The following FRMD6 variants were observed in gnomAD, a reference collection of about 807,000 sequenced individuals.
FRMD6 encodes the protein FERM domain-containing protein 6.
Under a neutral mutation model 73.2 loss-of-function variants are expected in FRMD6, and 37 were observed. The observed-to-expected ratio is 0.51, with a 90% CI of 0.39 to 0.66. The LOEUF (loss-of-function observed/expected upper bound fraction) is 0.66. FRMD6 is among the 30% of genes least tolerant of loss of function. The pLI, the probability that FRMD6 is intolerant of heterozygous loss-of-function variation, is 0.00. For synonymous variants in FRMD6, 273 were observed against 282.2 expected, an observed-to-expected ratio of 0.97 and a Z score of 0.33; for missense variants, 714 against 780.5, an observed-to-expected ratio of 0.91 and a Z score of 1.02.
chr14:51,595,889 A>G (rs1006797077), intron 2 of FRMD6, among the ~76,000 whole-genome samples: 4 of 152,238 alleles, frequency 2.6e-5, no homozygotes, highest in Non-Finnish European at 5.9e-5. Flanking sequence ...TGTAAACAGA[A>G]TATAAGTTTC....
At position 51,720,339 on chromosome 14, in the gene FRMD6, G is replaced by C. The variant is rs772417698; in HGVS notation, c.1309G>C (p.Gly437Arg). ...MTSHGSSHTS[G>R]VESGGKDRLE... is the part of the protein sequence containing the mutation. Reference sequence around the variant, plus strand: ...CAGTCATGGCAGCTCCCACACCTCAGGGGTGGAGAGTGGCGGCAAAGACCG... The same window carrying C: ...CAGTCATGGCAGCTCCCACACCTCACGGGTGGAGAGTGGCGGCAAAGACCG... The change falls in exon 11 of 14, where the codon GGG becomes CGG. Residue 437 changes from glycine to arginine, a missense_variant. Gly to Arg is a moderately radical substitution (Grantham distance 125, BLOSUM62 -2). Coordinates refer to ENST00000344768, the MANE Select transcript of FRMD6 (RefSeq NM_001267046.2). 73 of 1,613,740 alleles carry C rather than the reference G, an allele frequency of 4.5e-5. No individual in the cohort carries two copies. Among genetic ancestry groups the C allele is most frequent in the Non-Finnish European group, 5.8e-5 (68 of 1,180,038 alleles).
intron 1 of FRMD6, among the ~76,000 whole-genome samples, chr14:51,670,967 A>T (rs1893967112): frequency 6.6e-6 from 1 of 152,210 alleles, no homozygotes; most frequent in South Asian, 2.1e-4. Context: ...TTTATCATGA[A>T]CATATGTTAA....
chr14:51,559,561 C>T (rs1274352871), intron 1 of FRMD6, among the ~76,000 whole-genome samples: 1 of 151,924 alleles, frequency 6.6e-6, no homozygotes, highest in Non-Finnish European at 1.5e-5. Context: ...TAGAATGACT[C>T]CTCTGACATT....
chr14:51,704,963 G>A, intron 6 of FRMD6, 28 bp downstream of exon 6: 2 of 1,579,276 alleles, frequency 1.3e-6, no homozygotes, highest in Non-Finnish European at 1.7e-6. Flanking sequence ...ATTCGAAAGA[G>A]TGTTTTCTCT....
intron 1 of FRMD6, among the ~76,000 whole-genome samples, chr14:51,553,543 T>G (rs1383023433): frequency 6.6e-6 from 1 of 152,206 alleles, no homozygotes; most frequent in African/African-American, 2.4e-5. Context: ...TGAGCTGAGT[T>G]TCTGGTTATT....
intron 2 of FRMD6, chr14:51,599,785 A>AC (rs1193601574): frequency 1.3e-5 from 2 of 150,466 alleles, no homozygotes; most frequent in African/African-American, 4.9e-5. Context: ...AATGAATACC[A>AC]CCCCCCAGGT....
At chr14:51,421,066 G>A in the FRMD6 span, among the ~76,000 whole-genome samples, 3 of 152,262 alleles carry the variant, frequency 2.0e-5, no homozygotes, top group Admixed American at 1.3e-4. Flanking sequence ...GTGAGCCACT[G>A]TGCCGGCTGT....
intron 1 of FRMD6, among the ~76,000 whole-genome samples, chr14:51,530,623 G>A (rs1164724938): frequency 1.3e-5 from 2 of 149,098 alleles, no homozygotes; most frequent in Non-Finnish European, 3.0e-5. Context: ...TGGGACCACA[G>A]GCATGCACCA....
rs1401412529 is a variant in FRMD6 at position 51,730,187 on chromosome 14, C to T, written c.*2158C>T. 6.6e-6 allele frequency: 1 copy of T among 152,154 alleles called. No individual in the cohort carries two copies. The highest frequency in any genetic ancestry group is 2.4e-5 in the African/African-American group (1 of 41,430). 9.4% of individuals were successfully genotyped at this position (152,154 alleles called of 1,614,324 possible). ...CATATTTAATTACTGTAAACAGGTA[C>T]TGCTTTATGTTTATTTTCTCTCTAC... is the stretch of plus-strand genomic sequence containing the variant. On this transcript the variant is annotated 3_prime_UTR_variant, in exon 14 of 14. Transcript: ENST00000344768.
the FRMD6 span, among the ~76,000 whole-genome samples, chr14:51,418,989 C>A: frequency 6.6e-6 from 1 of 152,214 alleles, no homozygotes. Flanking sequence ...CCAAGCCAGG[C>A]ACGGGATATA....
rs143127457 is a variant in FRMD6 at position 51,546,176 on chromosome 14, T to A, written c.-209-24172T>A. Among the ~76,000 whole-genome samples the A allele has an allele frequency of 4.2e-3, 641 of 152,216 alleles. 8 individuals are homozygous for A. The highest frequency in any genetic ancestry group is 0.024 in the Middle Eastern group (7 of 294). ...CATTATCTTAGGCCAAAAAGGGAAT[T>A]ATTGGTTCTTGTAAATCTCAAAGGT... On this transcript the variant is annotated intron_variant, in intron 1 of 14. Transcript: ENST00000356218.
intron 2 of FRMD6, among the ~76,000 whole-genome samples, chr14:51,642,480 G>A (rs539812042): frequency 6.6e-6 from 1 of 152,282 alleles, no homozygotes; most frequent in Admixed American, 6.5e-5. Context: ...AGGTTGCAGT[G>A]AGCCGAGATC....
chr14:51,435,208 C>T, the FRMD6 span, among the ~76,000 whole-genome samples: 2 of 152,088 alleles, frequency 1.3e-5, no homozygotes, highest in Non-Finnish European at 2.9e-5. Flanking sequence ...AAGATGTGGT[C>T]AAGAAAACTG....
intron 1 of FRMD6, among the ~76,000 whole-genome samples, chr14:51,662,042 T>G (rs1278783362): frequency 6.6e-6 from 1 of 152,204 alleles, no homozygotes; most frequent in African/African-American, 2.4e-5. Flanking sequence ...GTTTGTATAT[T>G]TTGAAATAGA....
chr14:51,493,013 T>G (rs1307944376), intron 1 of FRMD6, among the ~76,000 whole-genome samples: 1 of 152,162 alleles, frequency 6.6e-6, no homozygotes, highest in East Asian at 1.9e-4. Flanking sequence ...GGGATATAGG[T>G]ACATGACACT....
At chr14:51,652,452 A>C (rs1232426776) in intron 1 of FRMD6, among the ~76,000 whole-genome samples, 1 of 152,100 alleles carries the variant, frequency 6.6e-6, no homozygotes, top group Admixed American at 6.5e-5. Flanking sequence ...CCCGGCACCC[A>C]GGTCTGTGTC....
At chr14:51,454,069 G>A in the FRMD6 span, among the ~76,000 whole-genome samples, 1 of 152,188 alleles carries the variant, frequency 6.6e-6, no homozygotes. Context: ...TGCCCCGCCA[G>A]CAGCCAGCAG....
the FRMD6 span, chr14:51,436,023 G>T: frequency 6.1e-6 from 1 of 163,690 alleles, no homozygotes; most frequent in South Asian, 1.5e-4. Flanking sequence ...CTGGTTCTTG[G>T]ACTTCCTTAG....
At chr14:51,557,245 C>CATAT (rs35072700) in intron 1 of FRMD6, among the ~76,000 whole-genome samples, 34 of 149,884 alleles carry the variant, frequency 2.3e-4, no homozygotes, top group South Asian at 4.2e-4. Context: ...GAAAATGTGA[C>CATAT]ATATATATAT....
Sources: gnomAD v4.1 joint callset for allele counts (sites outside exome capture counted in the v4.1 genomes callset) on GRCh38, gnomAD v4.1.1 for gene constraint, MANE v1.5 for transcripts, NCBI Gene and HGNC (gene_info 2026-07-23, HGNC 2026-07-21) for gene names.